Variants in DNAH9 observed in about 807,000 individuals in gnomAD.
The protein encoded by DNAH9 is dynein axonemal heavy chain 9.
DNAH9 carries 345 observed loss-of-function variants against 471.6 expected under a neutral mutation model. The observed-to-expected ratio is 0.73, with a 90% CI of 0.67 to 0.80. The LOEUF is 0.80. Among genes scored for constraint, DNAH9 ranks in the 30% least tolerant of loss-of-function variants. The pLI, the probability that DNAH9 is intolerant of heterozygous loss-of-function variation, is 0.00. For synonymous variants in DNAH9, 2,093 were observed against 2,123.6 expected (o/e 0.99, Z 0.40); for missense variants, 5,407 against 5,609.2 (o/e 0.96, Z 1.15).
chr17:11,740,840 G>A (rs951885268), intron 29 of DNAH9, among the ~76,000 whole-genome samples: 10 of 151,862 alleles, frequency 6.6e-5, no homozygotes, highest in Non-Finnish European at 1.0e-4. Context: ...ATTCCTCCCC[G>A]CCCCCAGTCC....
chr17:11,968,405 C>T (rs1480756579), intron 68 of DNAH9, among the ~76,000 whole-genome samples: 1 of 152,160 alleles, frequency 6.6e-6, no homozygotes, highest in Non-Finnish European at 1.5e-5. Flanking sequence ...GCATAAAGGC[C>T]TCAGAGTCAC....
chr17:11,794,110 T>C (rs553558856), intron 42 of DNAH9, among the ~76,000 whole-genome samples: 3 of 145,094 alleles, frequency 2.1e-5, no homozygotes, highest in African/African-American at 5.2e-5. Flanking sequence ...AGTGGCGCGA[T>C]CTCGGCTCAC....
At chr17:11,762,770 G>GTTTTGTTTTTTTTTTTTTTTTTTTT (rs1967747335) in intron 35 of DNAH9, among the ~76,000 whole-genome samples, 1 of 90,744 alleles carries the variant, frequency 1.1e-5, no homozygotes, top group Admixed American at 1.4e-4. Flanking sequence ...TTTTTTTTTT[G>GTTTTGTTTTTTTTTTTTTTTTTTTT]TTTTTTTTTT....
In DNAH9 at chr17:11,689,955, A is replaced by G. The variant is rs1281833723; in HGVS notation, c.4133A>G (p.Asn1378Ser). The change falls in exon 20 of 69, where the codon AAT (asparagine) becomes AGT (serine). Residue 1378 changes from asparagine (N) to serine (S), a missense_variant. This residue lies in a region of DNAH9 where 4,636 missense variants were observed against 4,900.3 expected (regional missense o/e 0.95). Coordinates refer to ENST00000262442, the MANE Select transcript of DNAH9 (RefSeq NM_001372.4). ...SSLRAVAELQ[N>S]PAIRERHWRQ... is the part of the protein sequence containing the mutation. ...CTGAGGGCAGTAGCTGAGCTGCAGA[A>G]TCCAGCCATCCGGGAGCGGCACTGG... 1 of 1,613,016 alleles carries G rather than the reference A, an allele frequency of 6.2e-7. No homozygotes were observed. Among genetic ancestry groups the G allele is most frequent in the Non-Finnish European group, 8.5e-7 (1 of 1,179,538 alleles).
chr17:11,939,866 T>C (rs990819984), intron 66 of DNAH9, among the ~76,000 whole-genome samples: 2 of 146,282 alleles, frequency 1.4e-5, no homozygotes, highest in Non-Finnish European at 3.0e-5. Context: ...TGGGTGATGA[T>C]GGATAGATAA....
At chr17:11,838,691 C>T (rs1050581074) in intron 49 of DNAH9, among the ~76,000 whole-genome samples, 8 of 152,070 alleles carry the variant, frequency 5.3e-5, no homozygotes, top group Non-Finnish European at 1.2e-4. Flanking sequence ...ACAGTCCATC[C>T]GTCACCAAGA....
chr17:11,669,897 T>G, intron 17 of DNAH9, 103 bp downstream of exon 17: 3 of 1,007,346 alleles, frequency 3.0e-6, no homozygotes, highest in Non-Finnish European at 4.4e-6. Flanking sequence ...GTTGGTTAAA[T>G]TAAAGATTAA....
At chr17:11,647,333 C>A in intron 12 of DNAH9, 135 bp downstream of exon 12, 2 of 838,656 alleles carry the variant, frequency 2.4e-6, no homozygotes. Context: ...AGTGCAGTGG[C>A]GCGATCTCAG....
At chr17:11,615,842 G>A (rs544717668) in intron 4 of DNAH9, among the ~76,000 whole-genome samples, 19 of 152,228 alleles carry the variant, frequency 1.2e-4, no homozygotes, top group South Asian at 2.1e-4. Flanking sequence ...CAGCACTTAC[G>A]GAAGCAAGAG....
At chr17:11,769,575 G>T (rs1000136091) in intron 38 of DNAH9, among the ~76,000 whole-genome samples, 28 of 152,336 alleles carry the variant, frequency 1.8e-4, no homozygotes, top group African/African-American at 6.0e-4. Flanking sequence ...TTCCTCAAGA[G>T]CAAGGTGTTC....
intron 48 of DNAH9, among the ~76,000 whole-genome samples, chr17:11,832,709 C>G (rs1216506824): frequency 1.3e-5 from 2 of 152,130 alleles, no homozygotes; most frequent in African/African-American, 4.8e-5. Flanking sequence ...TTTATTTTTC[C>G]CCTTGTGCAT....
At chr17:11,771,546 A>G (rs892822841) in intron 38 of DNAH9, among the ~76,000 whole-genome samples, 3 of 152,212 alleles carry the variant, frequency 2.0e-5, no homozygotes, top group Non-Finnish European at 2.9e-5. Context: ...CCTCAATACT[A>G]TCATATCTTA....
At chr17:11,662,199 A>G (rs1249578412) in intron 14 of DNAH9, among the ~76,000 whole-genome samples, 1 of 152,086 alleles carries the variant, frequency 6.6e-6, no homozygotes, top group Non-Finnish European at 1.5e-5. Context: ...TCTATATGTA[A>G]TGTATTATTT....
At chr17:11,647,684 ACTTGGCTC>A (rs1466650525) in intron 12 of DNAH9, among the ~76,000 whole-genome samples, 1 of 152,150 alleles carries the variant, frequency 6.6e-6, no homozygotes, top group Non-Finnish European at 1.5e-5. Context: ...TGCATATAAG[ACTTGGCTC>A]CTGCCCTCAA....
intron 59 of DNAH9, among the ~76,000 whole-genome samples, chr17:11,895,130 A>G (rs1973181491): frequency 6.6e-6 from 1 of 152,236 alleles, no homozygotes; most frequent in South Asian, 2.1e-4. Flanking sequence ...TTTTCATTCC[A>G]CATCATGCAG....
chr17:11,623,679 T>C lies in DNAH9; in HGVS notation c.1350+3898T>C, dbSNP rs553568267. On this transcript the variant is annotated intron_variant, in intron 6 of 68. Transcript: ENST00000262442. The surrounding 1 kb of genome is among the most constrained non-coding windows in gnomAD (Gnocchi z 4.1). ...GATTGAAATGGGATTAATCTGCTCC[T>C]CTCCAGTAAGAATTATCATGAACTT... 3.9e-4 allele frequency among the ~76,000 whole-genome samples: 60 copies of C among 152,310 alleles called. No homozygotes were observed. The highest frequency in any genetic ancestry group is 1.4e-3 in the African/African-American group (57 of 41,570).
chr17:11,644,065 CTTTTATACGATTGGCAGCACAGTAGG>C (rs1431393787), intron 10 of DNAH9, among the ~76,000 whole-genome samples: 1 of 152,134 alleles, frequency 6.6e-6, no homozygotes, highest in Non-Finnish European at 1.5e-5. Context: ...TTACTGTACA[CTTTTATACGATTGGCAGCACAGTAGG>C]TTTGTTTACA....
At chr17:11,611,552 G>T in intron 3 of DNAH9, 98 bp from the exon 4 acceptor site, 1 of 1,288,232 alleles carries the variant, frequency 7.8e-7, no homozygotes, top group South Asian at 1.3e-5. Context: ...AGCACCCCGA[G>T]GCAGGGCTCC....
At chr17:11,867,971 T>A (rs950867777) in intron 50 of DNAH9, among the ~76,000 whole-genome samples, 15 of 152,222 alleles carry the variant, frequency 9.9e-5, no homozygotes, top group African/African-American at 3.6e-4. Context: ...CCAGTTTGTA[T>A]AGGGCTCTGT....
Sources: allele counts gnomAD v4.1 joint callset (sites outside exome capture counted in the v4.1 genomes callset), GRCh38; gene constraint gnomAD v4.1.1; regional missense constraint gnomAD v4.1.1; non-coding constraint Gnocchi (gnomAD v3.1); transcripts MANE v1.5; gene names NCBI Gene and HGNC (gene_info 2026-07-23, HGNC 2026-07-21).